The following SMOC1 variants were observed in gnomAD, a reference collection of about 807,000 sequenced individuals.
SMOC1 encodes the protein SPARC related modular calcium binding 1.
SMOC1 carries 22 observed loss-of-function variants against 56.3 expected under a neutral mutation model. That is an observed-to-expected ratio of 0.39 (90% confidence interval 0.28 to 0.56). SMOC1 has a LOEUF of 0.56. SMOC1 is among the 20% of genes least tolerant of loss of function. SMOC1 has a pLI of 0.61. For missense variants in SMOC1, 509 were observed against 565.4 expected (o/e 0.90, Z 1.01); for synonymous variants, 193 against 215.0 (o/e 0.90, Z 0.89).
chr14:70,032,340 T>TA lies in SMOC1; in HGVS notation c.*2088dup, dbSNP rs2139637218. 6.6e-6 allele frequency: 1 copy of TA among 152,344 alleles called. No homozygotes were observed. The highest frequency in any genetic ancestry group is 2.1e-4 in the South Asian group (1 of 4,824). The allele number at this position is 152,344 out of a possible 1,614,324, so 9.4% of individuals were successfully genotyped here. On this transcript the variant is annotated 3_prime_UTR_variant, in exon 12 of 12. Transcript: ENST00000361956. ...GGGAAACTATTTGTAGCTTGTTTTA[T>TA]AAAAAATAAAAAATGGGTAAATCTT... is the stretch of plus-strand genomic sequence containing the variant.
At chr14:69,893,393 G>A (rs1269108127) in intron 1 of SMOC1, among the ~76,000 whole-genome samples, 4 of 152,128 alleles carry the variant, frequency 2.6e-5, no homozygotes, top group African/African-American at 9.7e-5. Context: ...AGAGAAGGGG[G>A]TTTAGTGCTA....
chr14:69,914,603 A>AACAC (rs1884636144), intron 1 of SMOC1, among the ~76,000 whole-genome samples: 1 of 152,094 alleles, frequency 6.6e-6, no homozygotes, highest in Admixed American at 6.6e-5. Flanking sequence ...CAAACAAACA[A>AACAC]ACACAAAGCT....
At chr14:69,953,747 A>C (rs556714136) in intron 3 of SMOC1, among the ~76,000 whole-genome samples, 1 of 152,286 alleles carries the variant, frequency 6.6e-6, no homozygotes, top group South Asian at 2.1e-4. Context: ...GAAAAGACGC[A>C]TGGAAGCCCA....
At chr14:69,926,014 C>T (rs1156993961) in intron 1 of SMOC1, among the ~76,000 whole-genome samples, 2 of 151,354 alleles carry the variant, frequency 1.3e-5, no homozygotes, top group Non-Finnish European at 2.9e-5. Flanking sequence ...TCTCTGTCAC[C>T]GAGGCCCAAG....
At chr14:69,977,851 C>G in intron 4 of SMOC1, 67 bp from the exon 5 acceptor site, 2 of 1,372,378 alleles carry the variant, frequency 1.5e-6, no homozygotes, top group Non-Finnish European at 1.0e-6. Flanking sequence ...GTTTTGCCAA[C>G]TCTTAGAAAG....
At chr14:69,933,365 C>CTT (rs11400707) in intron 1 of SMOC1, among the ~76,000 whole-genome samples, 4 of 151,308 alleles carry the variant, frequency 2.6e-5, no homozygotes, top group Non-Finnish European at 4.4e-5. Context: ...AAATGAAAGA[C>CTT]TTTTTTTTTC....
chr14:69,903,379 C>T (rs188421630), intron 1 of SMOC1, among the ~76,000 whole-genome samples: 1,926 of 152,042 alleles, frequency 0.013, 38 homozygotes, highest in South Asian at 0.099. Flanking sequence ...CCCCTCGGCC[C>T]GGCCGCCACC....
At chr14:69,934,277 C>A (rs1290626370) in intron 1 of SMOC1, among the ~76,000 whole-genome samples, 2 of 152,194 alleles carry the variant, frequency 1.3e-5, no homozygotes, top group Non-Finnish European at 2.9e-5. Context: ...AAGCATCACA[C>A]CTGATTGACG....
intron 3 of SMOC1, among the ~76,000 whole-genome samples, chr14:69,959,645 T>A: frequency 6.6e-6 from 1 of 150,910 alleles, no homozygotes; most frequent in African/African-American, 2.5e-5. Context: ...TGTACCTGAT[T>A]TTTTTATTTC....
At chr14:69,963,403 T>G (rs781002988) in intron 3 of SMOC1, among the ~76,000 whole-genome samples, 2 of 152,180 alleles carry the variant, frequency 1.3e-5, no homozygotes, top group African/African-American at 2.4e-5. Context: ...TGTATATCTC[T>G]AAGAGCTTTC....
chr14:69,955,466 T>C (rs1021458837), intron 3 of SMOC1, among the ~76,000 whole-genome samples: 1 of 152,058 alleles, frequency 6.6e-6, no homozygotes, highest in African/African-American at 2.4e-5. Context: ...TAATAATAAT[T>C]GTTATATATT....
chr14:69,944,384 T>G (rs1450659961), intron 1 of SMOC1, among the ~76,000 whole-genome samples: 1 of 152,166 alleles, frequency 6.6e-6, no homozygotes, highest in Non-Finnish European at 1.5e-5. Context: ...AGGAAGGAGC[T>G]GCAGAGCTGG....
At chr14:69,933,627 T>G (rs1006994936) in intron 1 of SMOC1, among the ~76,000 whole-genome samples, 3 of 152,114 alleles carry the variant, frequency 2.0e-5, no homozygotes, top group Admixed American at 6.5e-5. Flanking sequence ...CCTCCTGGGT[T>G]CAAGCGATTC....
intron 1 of SMOC1, among the ~76,000 whole-genome samples, chr14:69,942,454 A>G (rs1882599653): frequency 6.6e-6 from 1 of 152,054 alleles, no homozygotes; most frequent in Non-Finnish European, 1.5e-5. Context: ...AGTACAATTG[A>G]CCCCTTTTAG....
intron 7 of SMOC1, among the ~76,000 whole-genome samples, chr14:70,003,804 A>G (rs1885056399): frequency 6.6e-6 from 1 of 152,180 alleles, no homozygotes. Flanking sequence ...ATGGCCTAGA[A>G]TGAGGGTAGG....
intron 10 of SMOC1, among the ~76,000 whole-genome samples, chr14:70,021,533 G>A (rs553240130): frequency 1.1e-3 from 171 of 152,176 alleles, no homozygotes; most frequent in African/African-American, 3.5e-3. Flanking sequence ...AGCTCTCCAC[G>A]GCTCCCTCAC....
Position 69,975,710 on chromosome 14 carries a change from A to G in SMOC1, c.379-5A>G, listed in dbSNP as rs1350544277. 6.2e-7 allele frequency: 1 copy of G among 1,609,488 alleles called. No homozygotes were observed. Among genetic ancestry groups the G allele is most frequent in the South Asian group, 1.1e-5 (1 of 90,956 alleles). On this transcript the variant is annotated splice_region_variant and splice_polypyrimidine_tract_variant and intron_variant, in intron 3 of 11. Coordinates refer to ENST00000361956, the MANE Select transcript of SMOC1 (RefSeq NM_001034852.3). Reference sequence around the variant, plus strand: ...GTTTTCTTCCCTTTTCACTTCCCTGAACAGGTGCAGTGCCATACTTACACT... The same window carrying G: ...GTTTTCTTCCCTTTTCACTTCCCTGGACAGGTGCAGTGCCATACTTACACT...
intron 1 of SMOC1, among the ~76,000 whole-genome samples, chr14:69,888,672 C>CTTTTTTTTT (rs35906257): frequency 6.6e-6 from 1 of 150,428 alleles, no homozygotes; most frequent in Non-Finnish European, 1.5e-5. Context: ...GGCTGAAAGC[C>CTTTTTTTTT]TTTTTTTTTT....
At chr14:69,980,290 A>T (rs1594836125) in intron 5 of SMOC1, among the ~76,000 whole-genome samples, 1 of 152,294 alleles carries the variant, frequency 6.6e-6, no homozygotes, top group East Asian at 1.9e-4. Flanking sequence ...CTCAGTTCCC[A>T]GCTCTTTACT....
Sources: allele counts gnomAD v4.1 joint callset (sites outside exome capture counted in the v4.1 genomes callset), GRCh38; gene constraint gnomAD v4.1.1; transcripts MANE v1.5; gene names NCBI Gene and HGNC (gene_info 2026-07-23, HGNC 2026-07-21).